NFIL3: variants seen among roughly 807,000 people sequenced by gnomAD.
The protein encoded by NFIL3 is nuclear factor, interleukin 3 regulated, also known as nuclear factor interleukin-3-regulated protein.
In NFIL3, 5 loss-of-function variants were observed where a neutral mutation model predicts 10.0. The ratio of observed to expected loss-of-function variants is 0.50; its 90% confidence interval spans 0.26 to 1.06. The LOEUF (loss-of-function observed/expected upper bound fraction) is 1.06. NFIL3 is among the 50% of genes least tolerant of loss of function. The pLI is 0.13. For synonymous variants in NFIL3, 202 were observed against 206.5 expected (o/e 0.98, Z 0.19); for missense variants, 436 against 547.6 (o/e 0.80, Z 2.03).
In NFIL3 at chr9:91,410,635, C is replaced by T; in HGVS notation, c.100G>A (p.Glu34Lys). 1 of 1,614,244 alleles carries T rather than the reference C, an allele frequency of 6.2e-7. No homozygotes were observed. The highest frequency in any genetic ancestry group is 8.5e-7 in the Non-Finnish European group (1 of 1,180,050). ...KMMVLNSALT[E>K]VSEDSTTGEE... The stretch of plus-strand genomic sequence containing the variant: ...CCTGTTGTGGAGTCTTCTGACACTT[C>T]CGTTAAAGCAGAATTAAGGACCATC... The change falls in exon 2 of 2, where the codon GAA (glutamate) becomes AAA (lysine). Residue 34 changes from glutamate to lysine, a missense_variant. Glu to Lys is a moderately conservative substitution (Grantham distance 56). This residue lies in a region of NFIL3 where 76 missense variants were observed against 73.0 expected (regional missense o/e 1.04). Coordinates refer to ENST00000297689, the MANE Select transcript of NFIL3 (RefSeq NM_005384.3). The surrounding 1 kb of genome is among the most constrained non-coding windows in gnomAD (Gnocchi z 5.7).
At chr9:91,476,923 A>AC in the NFIL3 span, among the ~76,000 whole-genome samples, 1 of 152,242 alleles carries the variant, frequency 6.6e-6, no homozygotes, top group Non-Finnish European at 1.5e-5. Flanking sequence ...TAACAGAATA[A>AC]TAAAAATATA....
At chr9:91,479,671 C>T in the NFIL3 span, among the ~76,000 whole-genome samples, 6 of 152,180 alleles carry the variant, frequency 3.9e-5, no homozygotes, top group Non-Finnish European at 7.3e-5. Context: ...GTCTTGCTGG[C>T]GTTCCAGGCA....
At chr9:91,481,630 T>A in the NFIL3 span, among the ~76,000 whole-genome samples, 2 of 145,410 alleles carry the variant, frequency 1.4e-5, no homozygotes, top group African/African-American at 5.1e-5. Context: ...TCTAATTACT[T>A]TGCTTTTGAT....
At chr9:91,447,044 G>A in the NFIL3 span, among the ~76,000 whole-genome samples, 672 of 152,232 alleles carry the variant, frequency 4.4e-3, 6 homozygotes, top group African/African-American at 0.015. Context: ...TTAAACTCCC[G>A]ACCTCAGGTT....
the NFIL3 span, among the ~76,000 whole-genome samples, chr9:91,446,475 C>A: frequency 4.6e-5 from 7 of 152,158 alleles, no homozygotes; most frequent in Non-Finnish European, 1.0e-4. Flanking sequence ...GCTGAAATCA[C>A]CCCTAATTTT....
the NFIL3 span, among the ~76,000 whole-genome samples, chr9:91,442,818 C>T: frequency 1.4e-4 from 21 of 152,100 alleles, no homozygotes; most frequent in Non-Finnish European, 2.5e-4. Flanking sequence ...CTGGGAGCCC[C>T]TAGGTCTGAG....
chr9:91,437,943 T>C, the NFIL3 span, among the ~76,000 whole-genome samples: 1 of 152,358 alleles, frequency 6.6e-6, no homozygotes, highest in East Asian at 1.9e-4. Flanking sequence ...ATATCTTGGC[T>C]ATTGTGGGTA....
At chr9:91,414,983 T>G (rs1833624924) in intron 1 of NFIL3, among the ~76,000 whole-genome samples, 2 of 152,248 alleles carry the variant, frequency 1.3e-5, no homozygotes, top group Admixed American at 1.3e-4. Flanking sequence ...GATGCTTTCT[T>G]TTTAATGTTA....
chr9:91,424,984 G>T (rs1412594484), upstream of NFIL3, among the ~76,000 whole-genome samples: 2 of 152,204 alleles, frequency 1.3e-5, no homozygotes, highest in Non-Finnish European at 2.9e-5. Flanking sequence ...GTCAAGGCAC[G>T]TGGCACACTC....
the NFIL3 span, among the ~76,000 whole-genome samples, chr9:91,437,593 G>T: frequency 6.6e-6 from 1 of 152,148 alleles, no homozygotes; most frequent in Non-Finnish European, 1.5e-5. Context: ...ACGTACATTT[G>T]ATCTCTAGAC....
At chr9:91,455,334 C>T in the NFIL3 span, among the ~76,000 whole-genome samples, 1 of 152,124 alleles carries the variant, frequency 6.6e-6, no homozygotes, top group East Asian at 1.9e-4. Context: ...TCCCTCTTTC[C>T]TTCTGCATTT....
At chr9:91,461,419 G>C in the NFIL3 span, among the ~76,000 whole-genome samples, 5 of 152,276 alleles carry the variant, frequency 3.3e-5, no homozygotes, top group African/African-American at 9.6e-5. Flanking sequence ...AAAACCAAAA[G>C]GGACCTATGT....
rs770296531 is a variant in NFIL3, at chr9:91,409,443, A to G, written c.1292T>C (p.Leu431Ser). Residue 431 changes from leucine (L) to serine (S), a missense_variant, in exon 2 of 2, where the codon TTG becomes TCG. Coordinates refer to ENST00000297689, the MANE Select transcript of NFIL3 (RefSeq NM_005384.3). ...GTTTGCTATCCCCTGCTTCAAATACAAGTTCTCTGGGTCAGAAACTTTGTA... is the reference window on the plus strand; with the variant it reads ...GTTTGCTATCCCCTGCTTCAAATACGAGTTCTCTGGGTCAGAAACTTTGTA... ...SGYKVSDPENLYLKQGIANLS... is the reference protein window; with the variant it reads ...SGYKVSDPENSYLKQGIANLS... 20 of 1,614,184 alleles carry G rather than the reference A, an allele frequency of 1.2e-5. No individual in the cohort carries two copies. The South Asian group carries it at 2.1e-4, about 17-fold the overall frequency.
At chr9:91,431,123 G>C in the NFIL3 span, among the ~76,000 whole-genome samples, 3 of 152,182 alleles carry the variant, frequency 2.0e-5, no homozygotes, top group Admixed American at 6.5e-5. Flanking sequence ...TGTAGACCAG[G>C]CCCAGGCCTA....
At chr9:91,439,814 T>C in the NFIL3 span, among the ~76,000 whole-genome samples, 1 of 152,206 alleles carries the variant, frequency 6.6e-6, no homozygotes, top group Non-Finnish European at 1.5e-5. Flanking sequence ...GTATATTATA[T>C]TGATTGATTT....
the NFIL3 span, among the ~76,000 whole-genome samples, chr9:91,441,790 C>A: frequency 6.6e-6 from 1 of 152,086 alleles, no homozygotes; most frequent in Non-Finnish European, 1.5e-5. Flanking sequence ...TTTACCCTAC[C>A]CCACACAATT....
chr9:91,481,123 G>A, the NFIL3 span, among the ~76,000 whole-genome samples: 9 of 152,192 alleles, frequency 5.9e-5, no homozygotes, highest in Non-Finnish European at 1.0e-4. Context: ...AACATTGAAA[G>A]ACTCCTTCAG....
Position 91,410,333 on chromosome 9 carries a change from A to G in NFIL3, c.402T>C (p.Tyr134=). Residue 134 remains tyrosine (Y), a synonymous_variant, in exon 2 of 2, where the codon TAT becomes TAC. Coordinates refer to ENST00000297689, the MANE Select transcript of NFIL3 (RefSeq NM_005384.3). The surrounding 1 kb of genome is among the most constrained non-coding windows in gnomAD (Gnocchi z 5.7). Reference sequence around the variant, plus strand: ...TACTGAGTTTCTGAATCTCTTGAGCATATGCTGTGGAGCTAATTAAACCAA... The same window carrying G: ...TACTGAGTTTCTGAATCTCTTGAGCGTATGCTGTGGAGCTAATTAAACCAA... ...LKFGLISSTA[Y]AQEIQKLSNS... The G allele has an allele frequency of 3.1e-6, 5 of 1,614,250 alleles. No homozygotes were observed. The highest frequency in any genetic ancestry group is 3.4e-6 in the Non-Finnish European group (4 of 1,180,046).
At chr9:91,471,082 C>A in the NFIL3 span, among the ~76,000 whole-genome samples, 2 of 151,950 alleles carry the variant, frequency 1.3e-5, no homozygotes, top group African/African-American at 4.8e-5. Context: ...CCTTGTTAGC[C>A]TTCTGTCTCG....
Sources: allele counts gnomAD v4.1 joint callset (sites outside exome capture counted in the v4.1 genomes callset), GRCh38; gene constraint gnomAD v4.1.1; regional missense constraint gnomAD v4.1.1; non-coding constraint Gnocchi (gnomAD v3.1); transcripts MANE v1.5; gene names NCBI Gene and HGNC (gene_info 2026-07-23, HGNC 2026-07-21).